IL7: variants seen among roughly 807,000 people sequenced by gnomAD.
IL7 encodes interleukin-7.
In IL7, 3 loss-of-function variants were observed where a neutral mutation model predicts 21.6. That is an observed-to-expected ratio of 0.14 (90% CI 0.06 to 0.36). The LOEUF (loss-of-function observed/expected upper bound fraction) is 0.36. Among genes scored for constraint, IL7 ranks in the 10% least tolerant of loss-of-function variants. IL7 has a pLI of 1.00. For missense variants in IL7, 175 were observed against 200.2 expected, an observed-to-expected ratio of 0.87 and a Z score of 0.76; for synonymous variants, 62 against 68.1, an observed-to-expected ratio of 0.91 and a Z score of 0.44.
intron 4 of IL7, among the ~76,000 whole-genome samples, chr8:78,681,014 A>G (rs952788807): frequency 4.6e-5 from 7 of 152,126 alleles, no homozygotes; most frequent in African/African-American, 1.7e-4. Context: ...AGAGGCCCTT[A>G]GAAAACATTA....
chr8:78,678,374 G>A (rs1165968324), intron 4 of IL7, among the ~76,000 whole-genome samples: 4 of 152,098 alleles, frequency 2.6e-5, no homozygotes, highest in South Asian at 2.1e-4. Flanking sequence ...AACTTAGAGC[G>A]TGCATTATAT....
At chr8:78,715,310 C>T (rs1193555438), downstream of IL7, 5 of 1,613,272 alleles carry the variant, frequency 3.1e-6, no homozygotes, top group Middle Eastern at 1.6e-4. Flanking sequence ...AAAACATATA[C>T]TGAGAGCTAC....
intron 2 of IL7, among the ~76,000 whole-genome samples, chr8:78,785,043 A>G (rs1813464267): frequency 6.6e-6 from 1 of 152,082 alleles, no homozygotes; most frequent in South Asian, 2.1e-4. Flanking sequence ...TATCTTTTGC[A>G]TTTAGATGTG....
chr8:78,785,560 C>T (rs555021218), intron 2 of IL7, among the ~76,000 whole-genome samples: 19 of 152,222 alleles, frequency 1.2e-4, no homozygotes, highest in African/African-American at 4.1e-4. Context: ...ATCAACTACT[C>T]TTTGATATTC....
intron 2 of IL7, among the ~76,000 whole-genome samples, chr8:78,781,854 C>T (rs1365612129): frequency 4.6e-5 from 7 of 152,136 alleles, no homozygotes; most frequent in African/African-American, 1.7e-4. Context: ...TTCACGTACC[C>T]CAATCAGGCG....
intron 2 of IL7, among the ~76,000 whole-genome samples, chr8:78,768,342 C>A (rs1439760450): frequency 6.6e-6 from 1 of 151,662 alleles, no homozygotes; most frequent in Non-Finnish European, 1.5e-5. Flanking sequence ...TGAGGAATCG[C>A]CACACTGACT....
intron 3 of IL7, among the ~76,000 whole-genome samples, chr8:78,687,912 A>AAG (rs1554591833): frequency 3.5e-5 from 4 of 114,642 alleles, no homozygotes; most frequent in Non-Finnish European, 7.2e-5. Flanking sequence ...TATTTATATA[A>AAG]ATATATAATT....
At chr8:78,803,975 C>G (rs570792122) in intron 1 of IL7, among the ~76,000 whole-genome samples, 1 of 152,270 alleles carries the variant, frequency 6.6e-6, no homozygotes, top group African/African-American at 2.4e-5. Context: ...CGCACCCTCC[C>G]CCCAGCTGTC....
chr8:78,729,091 A>G (rs1220928412), downstream of IL7, among the ~76,000 whole-genome samples: 2 of 151,994 alleles, frequency 1.3e-5, no homozygotes, highest in Non-Finnish European at 2.9e-5. Context: ...TAAATGTGTA[A>G]ATATTGCCAG....
chr8:78,700,293 T>G (rs1388419391), intron 3 of IL7, among the ~76,000 whole-genome samples: 2 of 152,214 alleles, frequency 1.3e-5, no homozygotes, highest in African/African-American at 4.8e-5. Context: ...TCATGTCTGT[T>G]GTCCACTTTT....
intron 3 of IL7, chr8:78,686,363 A>T (rs1809971134): frequency 9.9e-7 from 1 of 1,005,884 alleles, no homozygotes; most frequent in Admixed American, 4.2e-5. Context: ...GACTCCTGAT[A>T]AGAGAACATT....
At chr8:78,687,015 A>G (rs1810003193) in intron 3 of IL7, among the ~76,000 whole-genome samples, 1 of 152,120 alleles carries the variant, frequency 6.6e-6, no homozygotes, top group African/African-American at 2.4e-5. Context: ...AAAAAATCAT[A>G]ATTTTCCTAA....
chr8:78,697,215 C>T (rs766609851), intron 3 of IL7, among the ~76,000 whole-genome samples: 2 of 152,072 alleles, frequency 1.3e-5, no homozygotes, highest in Non-Finnish European at 2.9e-5. Context: ...TTTAAGAATA[C>T]AATTCAGTGT....
At chr8:78,803,406 A>T (rs1161499334) in intron 1 of IL7, among the ~76,000 whole-genome samples, 1 of 152,228 alleles carries the variant, frequency 6.6e-6, no homozygotes, top group Non-Finnish European at 1.5e-5. Flanking sequence ...TTCAACTCTC[A>T]AAAGAAATGG....
downstream of IL7, among the ~76,000 whole-genome samples, chr8:78,731,547 T>C (rs1811424914): frequency 6.6e-6 from 1 of 151,914 alleles, no homozygotes; most frequent in Admixed American, 6.6e-5. Flanking sequence ...TTTTTTTCTT[T>C]TTGTAGCATT....
intron 3 of IL7, chr8:78,686,508 T>C: frequency 1.3e-6 from 2 of 1,545,928 alleles, no homozygotes; most frequent in Non-Finnish European, 1.7e-6. Context: ...GAAGGAAACA[T>C]GAAGAATTCA....
downstream of IL7, among the ~76,000 whole-genome samples, chr8:78,714,494 G>C (rs1408590256): frequency 1.3e-5 from 2 of 152,038 alleles, no homozygotes; most frequent in Non-Finnish European, 2.9e-5. Context: ...TAAATGATGA[G>C]ACTCAGACTT....
At chr8:78,788,403 G>C (rs1252696115) in intron 2 of IL7, among the ~76,000 whole-genome samples, 1 of 151,844 alleles carries the variant, frequency 6.6e-6, no homozygotes, top group African/African-American at 2.4e-5. Context: ...TGCTCTCACT[G>C]TATCATGCAA....
downstream of IL7, chr8:78,717,509 A>AG: frequency 3.2e-6 from 5 of 1,554,948 alleles, no homozygotes; most frequent in Non-Finnish European, 4.3e-6. Context: ...ATCTCAAAAA[A>AG]AAAAAAAAGC....
Sources: gnomAD v4.1 joint callset for allele counts (sites outside exome capture counted in the v4.1 genomes callset) on GRCh38, gnomAD v4.1.1 for gene constraint, MANE v1.5 for transcripts, NCBI Gene and HGNC (gene_info 2026-07-23, HGNC 2026-07-21) for gene names.